Variants in MBOAT2 observed in about 807,000 individuals in gnomAD.
MBOAT2 encodes membrane bound glycerophospholipid O-acyltransferase 2, also known as membrane-bound glycerophospholipid O-acyltransferase 2.
Under a neutral mutation model 63.4 loss-of-function variants are expected in MBOAT2, and 28 were observed. That is an observed-to-expected ratio of 0.44 (90% CI 0.33 to 0.61). The LOEUF (loss-of-function observed/expected upper bound fraction) is 0.61, where lower values mean the gene tolerates loss of function less well. MBOAT2 is among the 20% of genes least tolerant of loss of function. The probability of loss-of-function intolerance (pLI) is 0.03; values close to 1 mark genes in which losing one functional copy is unlikely to be tolerated. For synonymous variants in MBOAT2, 211 were observed against 215.6 expected (o/e 0.98, Z 0.19); for missense variants, 470 against 605.8 (o/e 0.78, Z 2.35).
intron 4 of MBOAT2, among the ~76,000 whole-genome samples, chr2:8,894,660 G>A (rs1664294911): frequency 1.3e-5 from 2 of 152,250 alleles, no homozygotes; most frequent in Non-Finnish European, 2.9e-5. Flanking sequence ...GTGCAGAACT[G>A]GTGGGTTCTT....
chr2:8,964,723 C>T (rs1050250419), intron 1 of MBOAT2, among the ~76,000 whole-genome samples: 5 of 152,194 alleles, frequency 3.3e-5, no homozygotes, highest in Admixed American at 1.3e-4. Flanking sequence ...ATGTGAGTTC[C>T]ACTGCTCCAT....
chr2:8,891,604 C>T (rs1237516974), intron 4 of MBOAT2, among the ~76,000 whole-genome samples: 1 of 152,216 alleles, frequency 6.6e-6, no homozygotes, highest in Admixed American at 6.5e-5. Flanking sequence ...TCTTTACTGA[C>T]ATTTTAACTA....
chr2:8,928,500 C>T (rs569614633), intron 3 of MBOAT2, among the ~76,000 whole-genome samples: 50 of 152,056 alleles, frequency 3.3e-4, no homozygotes, highest in African/African-American at 1.1e-3. Flanking sequence ...TTTTTGGTCT[C>T]GGGACCCTTT....
intron 2 of MBOAT2, among the ~76,000 whole-genome samples, chr2:8,952,316 T>C (rs567588393): frequency 2.8e-4 from 42 of 152,342 alleles, no homozygotes; most frequent in African/African-American, 9.1e-4. Context: ...TCTGAATGTA[T>C]TGAGACTTGC....
chr2:8,929,558 G>T (rs934452969), intron 3 of MBOAT2, among the ~76,000 whole-genome samples: 2 of 152,198 alleles, frequency 1.3e-5, no homozygotes, highest in Non-Finnish European at 2.9e-5. Context: ...TTGCCATGTG[G>T]CCCAGGCTGG....
At chr2:8,944,590 C>A (rs1252767097) in intron 2 of MBOAT2, among the ~76,000 whole-genome samples, 3 of 151,582 alleles carry the variant, frequency 2.0e-5, no homozygotes, top group Non-Finnish European at 4.4e-5. Context: ...CAAGGCAGGC[C>A]TGTAGGAGAA....
At chr2:8,956,269 T>C (rs945551374) in intron 2 of MBOAT2, among the ~76,000 whole-genome samples, 2 of 152,082 alleles carry the variant, frequency 1.3e-5, no homozygotes, top group East Asian at 3.8e-4. Flanking sequence ...AAAGAATATA[T>C]CCCTATTAGT....
At chr2:8,895,482 A>G (rs1572987873) in intron 4 of MBOAT2, among the ~76,000 whole-genome samples, 1 of 152,124 alleles carries the variant, frequency 6.6e-6, no homozygotes, top group African/African-American at 2.4e-5. Flanking sequence ...GTCCTCACCC[A>G]ATTAGCTAGA....
intron 7 of MBOAT2, 60 bp from the exon 8 acceptor site, chr2:8,873,360 T>C: frequency 1.3e-6 from 2 of 1,516,680 alleles, no homozygotes; most frequent in East Asian, 2.3e-5. Context: ...ATTCATTCTA[T>C]GTATTATCGA....
chr2:8,879,015 G>A (rs1395132962), intron 6 of MBOAT2, among the ~76,000 whole-genome samples: 2 of 148,920 alleles, frequency 1.3e-5, no homozygotes, highest in South Asian at 2.1e-4. Context: ...GGCGGAGCTT[G>A]CAGTGAGCCG....
chr2:8,879,099 T>C (rs1006387472), intron 6 of MBOAT2, among the ~76,000 whole-genome samples: 24 of 150,844 alleles, frequency 1.6e-4, no homozygotes, highest in South Asian at 4.2e-4. Flanking sequence ...AAAAAAAATG[T>C]CTTGAACCTT....
At position 8,865,542 on chromosome 2, in the gene MBOAT2, C is replaced by T. The variant is rs1292084651; in HGVS notation, c.988-1308G>A. Among the ~76,000 whole-genome samples the T allele has an allele frequency of 4.6e-5, 7 of 152,176 alleles. No homozygotes were observed. In the East Asian group the frequency reaches 5.8e-4, roughly 13 times the overall value. ...CTGTAGGAGAAGCTTCACACTCTCC[C>T]CTCCAAATAATCTCCTAATCACTAA... On this transcript the variant is annotated intron_variant, in intron 9 of 12. Coordinates refer to ENST00000305997, the MANE Select transcript of MBOAT2 (RefSeq NM_138799.4).
At chr2:8,882,586 C>T (rs770415574) in intron 5 of MBOAT2, 21 bp from the exon 6 acceptor site, 3 of 1,613,012 alleles carry the variant, frequency 1.9e-6, no homozygotes, top group East Asian at 2.2e-5. Context: ...AAAATAGGTA[C>T]TCATCAATTA....
intron 6 of MBOAT2, among the ~76,000 whole-genome samples, chr2:8,880,046 T>C (rs542983896): frequency 5.9e-5 from 9 of 152,184 alleles, no homozygotes; most frequent in Admixed American, 3.9e-4. Context: ...TTTGTAATTC[T>C]ATTCTAAATT....
At chr2:8,927,820 G>A (rs2103192285) in intron 3 of MBOAT2, among the ~76,000 whole-genome samples, 1 of 152,320 alleles carries the variant, frequency 6.6e-6, no homozygotes, top group South Asian at 2.1e-4. Flanking sequence ...TCCTGTGGGA[G>A]TGAGACTGTG....
intron 4 of MBOAT2, among the ~76,000 whole-genome samples, chr2:8,889,711 A>C (rs915633064): frequency 5.3e-5 from 8 of 152,210 alleles, no homozygotes; most frequent in African/African-American, 1.9e-4. Context: ...CTAAATTCTA[A>C]TTTCCACGTC....
At chr2:8,973,381 AG>A (rs1178969515) in intron 1 of MBOAT2, among the ~76,000 whole-genome samples, 1 of 42,362 alleles carries the variant, frequency 2.4e-5, no homozygotes, top group Non-Finnish European at 4.4e-5. Flanking sequence ...GGGTGGGGGG[AG>A]GGGGGAGGGA....
chr2:8,898,437 G>A (rs1199197319), intron 4 of MBOAT2, among the ~76,000 whole-genome samples: 3 of 152,182 alleles, frequency 2.0e-5, no homozygotes, highest in African/African-American at 4.8e-5. Context: ...CCTTGCTGAG[G>A]GCCCTGGTTC....
intron 4 of MBOAT2, 121 bp from the exon 5 acceptor site, chr2:8,888,194 A>C: frequency 1.1e-6 from 1 of 870,340 alleles, no homozygotes; most frequent in Non-Finnish European, 1.8e-6. Context: ...TTTAACATAA[A>C]AAAGACCTCC....
Sources: gnomAD v4.1 joint callset for allele counts (sites outside exome capture counted in the v4.1 genomes callset) on GRCh38, gnomAD v4.1.1 for gene constraint, MANE v1.5 for transcripts, NCBI Gene and HGNC (gene_info 2026-07-23, HGNC 2026-07-21) for gene names.